Variants in FGGY observed in about 807,000 individuals in gnomAD.
FGGY encodes the protein FGGY carbohydrate kinase domain-containing protein.
Under a neutral mutation model 71.3 loss-of-function variants are expected in FGGY, and 72 were observed. The ratio of observed to expected loss-of-function variants is 1.01; its 90% CI spans 0.84 to 1.23. FGGY has a LOEUF of 1.23. FGGY is among the 50% of genes most tolerant of loss of function. The pLI is 0.00. For synonymous variants in FGGY, 251 were observed against 250.3 expected (o/e 1.00, Z -0.02); for missense variants, 668 against 682.3 (o/e 0.98, Z 0.23).
chr1:59,334,792 C>T (rs1387184815), intron 2 of FGGY, among the ~76,000 whole-genome samples: 1 of 152,030 alleles, frequency 6.6e-6, no homozygotes, highest in Non-Finnish European at 1.5e-5. Context: ...AGGTTGTAGT[C>T]ATGTTTTAAG....
intron 8 of FGGY, among the ~76,000 whole-genome samples, chr1:59,558,332 G>C: frequency 6.6e-6 from 1 of 152,248 alleles, no homozygotes; most frequent in East Asian, 1.9e-4. Flanking sequence ...TTTCAACGTA[G>C]GTTCTTTCTA....
intron 5 of FGGY, among the ~76,000 whole-genome samples, chr1:59,420,711 G>A (rs905997477): frequency 7.9e-5 from 12 of 152,032 alleles, no homozygotes; most frequent in African/African-American, 2.4e-4. Flanking sequence ...TACTCCATAT[G>A]TTTCTAATTC....
At chr1:59,443,939 T>C (rs1194106877) in intron 5 of FGGY, among the ~76,000 whole-genome samples, 1 of 152,080 alleles carries the variant, frequency 6.6e-6, no homozygotes, top group East Asian at 1.9e-4. Flanking sequence ...TAGAGAGTGG[T>C]CCAATAATGA....
At chr1:59,646,252 A>G (rs1401446012) in intron 11 of FGGY, among the ~76,000 whole-genome samples, 4 of 152,170 alleles carry the variant, frequency 2.6e-5, no homozygotes. Flanking sequence ...AGCTTTGGAA[A>G]CACATGGTCT....
intron 8 of FGGY, among the ~76,000 whole-genome samples, chr1:59,591,940 G>C (rs1298401505): frequency 1.3e-5 from 2 of 152,080 alleles, no homozygotes; most frequent in East Asian, 3.9e-4. Flanking sequence ...TTGACAAATG[G>C]GATCTCATTA....
intron 4 of FGGY, among the ~76,000 whole-genome samples, chr1:59,362,594 C>G (rs1274244995): frequency 6.6e-6 from 1 of 152,212 alleles, no homozygotes; most frequent in Non-Finnish European, 1.5e-5. Flanking sequence ...AGGCCATTGC[C>G]TCAGTGTGGA....
intron 4 of FGGY, among the ~76,000 whole-genome samples, chr1:59,360,924 C>T (rs2055382971): frequency 1.3e-5 from 2 of 152,222 alleles, no homozygotes; most frequent in South Asian, 4.1e-4. Context: ...AGCTGGGGCC[C>T]AGCTCAGATC....
intron 7 of FGGY, among the ~76,000 whole-genome samples, chr1:59,544,135 C>A (rs934643859): frequency 1.3e-5 from 2 of 152,078 alleles, no homozygotes; most frequent in African/African-American, 4.8e-5. Context: ...ATAGCTGGGG[C>A]CCTTTTAACA....
At chr1:59,587,856 G>A (rs1361051391) in intron 8 of FGGY, among the ~76,000 whole-genome samples, 1 of 152,128 alleles carries the variant, frequency 6.6e-6, no homozygotes, top group African/African-American at 2.4e-5. Context: ...AAAAAACAGA[G>A]CAGAAAAACT....
chr1:59,546,132 G>C lies in FGGY; in HGVS notation c.800-7992G>C, dbSNP rs188265417. Among the ~76,000 whole-genome samples, 3 of 152,250 alleles carry C rather than the reference G, an allele frequency of 2.0e-5. No individual in the cohort carries two copies. In the East Asian group the frequency reaches 5.8e-4, roughly 29 times the overall value. ...AGTTGTTGGTAGTAACATCAAAAAT[G>C]GTGAAAATATATTGAGTAAACTGTC... is the stretch of plus-strand genomic sequence containing the variant. On this transcript the variant is annotated intron_variant, in intron 7 of 15. Transcript: ENST00000303721.
At chr1:59,641,439 G>A in intron 11 of FGGY, 1 of 1,104,622 alleles carries the variant, frequency 9.1e-7, no homozygotes, top group Non-Finnish European at 1.3e-6. Flanking sequence ...GCTAAACCCA[G>A]GTAATACAAA....
intron 2 of FGGY, among the ~76,000 whole-genome samples, chr1:59,335,945 G>T (rs116289839): frequency 0.019 from 2,937 of 152,130 alleles, 105 homozygotes; most frequent in African/African-American, 0.068. Flanking sequence ...CTTCCAGTCT[G>T]TAGCTTGTCT....
At chr1:59,716,548 T>A (rs920886356) in intron 14 of FGGY, among the ~76,000 whole-genome samples, 1 of 152,184 alleles carries the variant, frequency 6.6e-6, no homozygotes, top group African/African-American at 2.4e-5. Context: ...ATTTGTTTTA[T>A]GCGGCAAACT....
chr1:59,762,132 T>G lies in FGGY; in HGVS notation c.1575-371T>G, dbSNP rs150737274. 6.1e-3 allele frequency among the ~76,000 whole-genome samples: 914 copies of G among 150,500 alleles called. 8 individuals are homozygous for G. Among genetic ancestry groups the G allele is most frequent in the African/African-American group, 0.021 (866 of 40,856 alleles). ...CCAGGCTGGAGCGAAGTGGTGCAAC[T>G]CAACCACTTCACAGTGAACGGGGGA... On this transcript the variant is annotated intron_variant, in intron 15 of 15. Transcript: ENST00000303721.
chr1:59,600,424 G>T (rs1244576311), intron 8 of FGGY, among the ~76,000 whole-genome samples: 1 of 152,136 alleles, frequency 6.6e-6, no homozygotes, highest in African/African-American at 2.4e-5. Flanking sequence ...CCTGAGTGTG[G>T]GATAAAAATT....
chr1:59,334,663 A>C (rs142792977), intron 2 of FGGY, among the ~76,000 whole-genome samples: 3,171 of 152,278 alleles, frequency 0.021, 53 homozygotes, highest in East Asian at 0.05. Flanking sequence ...ATAGTAAGAA[A>C]TGGAATTCTA....
At chr1:59,615,649 A>T (rs2096744306) in intron 9 of FGGY, among the ~76,000 whole-genome samples, 1 of 152,214 alleles carries the variant, frequency 6.6e-6, no homozygotes, top group Admixed American at 6.5e-5. Context: ...GACAAATGAG[A>T]TCTCATTAAA....
intron 6 of FGGY, among the ~76,000 whole-genome samples, chr1:59,505,181 A>G (rs956771775): frequency 6.6e-6 from 1 of 152,222 alleles, no homozygotes; most frequent in Non-Finnish European, 1.5e-5. Flanking sequence ...ATAGGTGTCT[A>G]CAAGATGTAA....
intron 13 of FGGY, among the ~76,000 whole-genome samples, chr1:59,672,860 T>C (rs1370087211): frequency 1.3e-5 from 2 of 152,252 alleles, no homozygotes; most frequent in African/African-American, 4.8e-5. Flanking sequence ...CTATACATTA[T>C]AGACCTAAGA....
Sources: allele counts gnomAD v4.1 joint callset (sites outside exome capture counted in the v4.1 genomes callset), GRCh38; gene constraint gnomAD v4.1.1; transcripts MANE v1.5; gene names NCBI Gene and HGNC (gene_info 2026-07-23, HGNC 2026-07-21).